Variants in HMGB1 observed in about 807,000 individuals in gnomAD.
HMGB1 encodes high mobility group protein B1.
For missense variants in HMGB1, 79 were observed against 253.5 expected (o/e 0.31, Z 4.67); for synonymous variants, 81 against 84.0 (o/e 0.96, Z 0.19).
chr13:30,538,650 T>TCTTTTTCTTTC (rs1566019103), intron 1 of HMGB1, among the ~76,000 whole-genome samples: 3,801 of 79,320 alleles, frequency 0.048, 439 homozygotes, highest in African/African-American at 0.2. Context: ...TTCCTTTCTT[T>TCTTTTTCTTTC]CTTTCTTTCT....
intron 1 of HMGB1, among the ~76,000 whole-genome samples, chr13:30,601,221 T>A (rs1950396839): frequency 6.6e-6 from 1 of 152,138 alleles, no homozygotes; most frequent in Admixed American, 6.6e-5. Context: ...TCACCACCTA[T>A]CCCAAAACCT....
chr13:30,571,329 C>G (rs1428429189), intron 1 of HMGB1, among the ~76,000 whole-genome samples: 1 of 148,592 alleles, frequency 6.7e-6, no homozygotes, highest in African/African-American at 2.5e-5. Flanking sequence ...GAGTCTCGCT[C>G]TCTCGCCCAG....
intron 1 of HMGB1, among the ~76,000 whole-genome samples, chr13:30,599,474 C>CA (rs908085872): frequency 2.0e-5 from 3 of 151,758 alleles, no homozygotes; most frequent in East Asian, 1.9e-4. Flanking sequence ...GTCTCAAAAA[C>CA]AAAAAAACAA....
chr13:30,606,894 G>A, intron 1 of HMGB1, among the ~76,000 whole-genome samples: 1 of 152,204 alleles, frequency 6.6e-6, no homozygotes, highest in East Asian at 1.9e-4. Flanking sequence ...AGCTATAGAA[G>A]ACAAATGAAT....
intron 1 of HMGB1, among the ~76,000 whole-genome samples, chr13:30,567,871 T>A (rs548727773): frequency 2.0e-5 from 3 of 152,198 alleles, no homozygotes; most frequent in Non-Finnish European, 2.9e-5. Flanking sequence ...AGTTAGCAAG[T>A]CCTGGGAACT....
At chr13:30,608,263 G>A (rs1371123363) in intron 1 of HMGB1, among the ~76,000 whole-genome samples, 1 of 152,082 alleles carries the variant, frequency 6.6e-6, no homozygotes, top group Non-Finnish European at 1.5e-5. Flanking sequence ...AATGACAAAT[G>A]TCTGTTGTTT....
chr13:30,539,646 G>A lies in HMGB1; in HGVS notation c.-14-75952C>T, dbSNP rs1186450492. 4 of 302,800 alleles carry A rather than the reference G, an allele frequency of 1.3e-5. No homozygotes were observed. The East Asian group carries it at 3.1e-4, about 24-fold the overall frequency. 18.8% of individuals were successfully genotyped at this position (302,800 alleles called of 1,614,324 possible). ...TCCCATCCTCTGAGGGTCCTGAAAA[G>A]GATTGGTCCTGGAGTCTTCATGAAA... On this transcript the variant is annotated intron_variant, in intron 1 of 4. Transcript: ENST00000405805.
At chr13:30,464,158 C>T (rs1364203226) in intron 1 of HMGB1, 3 of 980,288 alleles carry the variant, frequency 3.1e-6, no homozygotes, top group Non-Finnish European at 2.4e-6. Flanking sequence ...AAAAAAAAAT[C>T]ACCGTGCACC....
Position 30,464,513 on chromosome 13 carries a change from GGAGA to G in HMGB1, c.-14-823_-14-820del, listed in dbSNP as rs200542571. ...ACTTCGCCGGTGGCCGCGCGGCCGA[GGAGA>G]GAGGACGCGGCCCGGCTCCCAGGCC... On this transcript the variant is annotated intron_variant, in intron 1 of 4. Transcript: ENST00000341423. 3,309 of 984,878 alleles carry G rather than the reference GGAGA, an allele frequency of 3.4e-3. 98 individuals are homozygous for G. In the African/African-American group the frequency reaches 0.052, roughly 16 times the overall value. The allele number at this position is 984,878 out of a possible 1,614,324, so 61.0% of individuals were successfully genotyped here. A position where few individuals can be genotyped will look rare whatever the true frequency, so the allele number is the denominator to read the frequency against.
chr13:30,558,423 G>C (rs1463606262), intron 1 of HMGB1, among the ~76,000 whole-genome samples: 1 of 152,086 alleles, frequency 6.6e-6, no homozygotes, highest in African/African-American at 2.4e-5. Context: ...AAAGTGTGGA[G>C]TTTAAAACCA....
At chr13:30,576,303 A>T (rs574914545) in intron 1 of HMGB1, among the ~76,000 whole-genome samples, 1 of 152,292 alleles carries the variant, frequency 6.6e-6, no homozygotes, top group East Asian at 1.9e-4. Context: ...GAAAGAGACA[A>T]ATCCCAAGGC....
intron 1 of HMGB1, among the ~76,000 whole-genome samples, chr13:30,554,998 G>C (rs1030913405): frequency 2.1e-5 from 3 of 146,092 alleles, no homozygotes; most frequent in African/African-American, 7.5e-5. Flanking sequence ...ACCAGCAGAA[G>C]ACTTTGCAGA....
chr13:30,595,113 C>T (rs1566035638), intron 1 of HMGB1, among the ~76,000 whole-genome samples: 2 of 141,944 alleles, frequency 1.4e-5, no homozygotes, highest in South Asian at 4.6e-4. Context: ...ATTACCACCC[C>T]CTTCAACAGT....
chr13:30,528,235 G>C (rs1193221650), intron 1 of HMGB1, among the ~76,000 whole-genome samples: 1 of 152,176 alleles, frequency 6.6e-6, no homozygotes, highest in Non-Finnish European at 1.5e-5. Flanking sequence ...TTTTTCAGGT[G>C]GGGAATGAGG....
chr13:30,580,990 G>C (rs1870876446), intron 1 of HMGB1, among the ~76,000 whole-genome samples: 2 of 152,050 alleles, frequency 1.3e-5, no homozygotes, highest in Admixed American at 1.3e-4. Flanking sequence ...ACCTAGGCTG[G>C]AGTGCATCAT....
upstream of HMGB1, chr13:30,465,983 G>C (rs1376465693): frequency 3.0e-6 from 3 of 985,212 alleles, no homozygotes; most frequent in Admixed American, 1.8e-4. Flanking sequence ...AACTCACGGG[G>C]CTCGCTCATT....
intron 1 of HMGB1, among the ~76,000 whole-genome samples, chr13:30,506,989 T>C (rs1207196779): frequency 2.0e-5 from 3 of 152,152 alleles, no homozygotes; most frequent in African/African-American, 7.2e-5. Flanking sequence ...ACTCAGTCTA[T>C]AGGGAGGCGA....
In HMGB1 at chr13:30,509,428, G is replaced by A. The variant is rs117511086; in HGVS notation, c.-14-45734C>T. Among the ~76,000 whole-genome samples the A allele has an allele frequency of 3.3e-3, 501 of 152,062 alleles. 2 individuals carry two copies. Among genetic ancestry groups the A allele is most frequent in the Non-Finnish European group, 5.2e-3 (353 of 67,990 alleles). Reference sequence around the variant, plus strand: ...TAATTTTTGTATTTTTAGTTGAGACGGGGTTTCGCAATGTTGGCCAGCTGG... The same window carrying A: ...TAATTTTTGTATTTTTAGTTGAGACAGGGTTTCGCAATGTTGGCCAGCTGG... On this transcript the variant is annotated intron_variant, in intron 1 of 4. Coordinates refer to the HMGB1 transcript ENST00000405805.
At chr13:30,463,402 T>C in intron 2 of HMGB1, 50 bp from the exon 3 acceptor site, 5 of 1,554,056 alleles carry the variant, frequency 3.2e-6, no homozygotes, top group Non-Finnish European at 4.4e-6. Flanking sequence ...AAGTAAATTA[T>C]CCTCAAAACC....
Sources: allele counts gnomAD v4.1 joint callset (sites outside exome capture counted in the v4.1 genomes callset), GRCh38; gene constraint gnomAD v4.1.1; transcripts MANE v1.5; gene names NCBI Gene and HGNC (gene_info 2026-07-23, HGNC 2026-07-21).